HS3ST4: variants seen among roughly 807,000 people sequenced by gnomAD.
The protein encoded by HS3ST4 is heparan sulfate-glucosamine 3-sulfotransferase 4.
Under a neutral mutation model 29.2 loss-of-function variants are expected in HS3ST4, and 17 were observed. The ratio of observed to expected loss-of-function variants is 0.58; its 90% CI spans 0.40 to 0.87. The LOEUF is 0.87. Ranked by LOEUF, HS3ST4 falls within the 40% of genes least tolerant of loss-of-function variation. The probability of loss-of-function intolerance (pLI) is 0.00; values close to 1 mark genes in which losing one functional copy is unlikely to be tolerated. For synonymous variants in HS3ST4, 314 were observed against 285.7 expected, an observed-to-expected ratio of 1.10 and a Z score of -1.00; for missense variants, 627 against 634.5, an observed-to-expected ratio of 0.99 and a Z score of 0.13.
intron 1 of HS3ST4, among the ~76,000 whole-genome samples, chr16:25,947,598 A>C (rs6497900): frequency 6.6e-6 from 1 of 151,944 alleles, no homozygotes; most frequent in South Asian, 2.1e-4. Flanking sequence ...CCAAACCACA[A>C]ACGCCCATTT....
chr16:26,043,553 C>A (rs185637068), intron 1 of HS3ST4, among the ~76,000 whole-genome samples: 1 of 152,268 alleles, frequency 6.6e-6, no homozygotes, highest in Non-Finnish European at 1.5e-5. Context: ...TCATGACGTT[C>A]TAGTGAGGAT....
At chr16:25,708,017 G>A (rs952783931) in intron 1 of HS3ST4, among the ~76,000 whole-genome samples, 1 of 152,142 alleles carries the variant, frequency 6.6e-6, no homozygotes, top group South Asian at 2.1e-4. Context: ...CACCCACCCA[G>A]GTTTCTGGTA....
In HS3ST4 at chr16:25,768,111, A is replaced by C. The variant is rs531768049; in HGVS notation, c.734+74960A>C. ...GAGTGACTGGTCCTGTGAACATCAC[A>C]TGTCTGGGGCGGAGCAAGATGCAGA... On this transcript the variant is annotated intron_variant, in intron 1 of 1. Transcript: ENST00000331351. Among the ~76,000 whole-genome samples the C allele has an allele frequency of 4.6e-5, 7 of 152,232 alleles. 1 individual carries two copies. In the South Asian group the frequency reaches 1.5e-3, roughly 32 times the overall value.
intron 1 of HS3ST4, among the ~76,000 whole-genome samples, chr16:26,083,486 T>C (rs1898748059): frequency 6.6e-6 from 1 of 152,220 alleles, no homozygotes; most frequent in Non-Finnish European, 1.5e-5. Context: ...AACAATTTTT[T>C]TTTCCATAAA....
At position 26,050,953 on chromosome 16, in the gene HS3ST4, G is replaced by A. The variant is rs1358864987; in HGVS notation, c.735-84659G>A. Among the ~76,000 whole-genome samples the A allele has an allele frequency of 1.3e-5, 2 of 152,142 alleles. 1 individual carries two copies. The highest frequency in any genetic ancestry group is 2.9e-5 in the Non-Finnish European group (2 of 68,032). On this transcript the variant is annotated intron_variant, in intron 1 of 1. Transcript: ENST00000331351. The stretch of plus-strand genomic sequence containing the variant: ...AATTTAGCTGGAAATGTTAAACACT[G>A]TCTGCATCCTGGAGCTGGAATGGAG...
chr16:26,126,424 G>A (rs1007188276), intron 1 of HS3ST4, among the ~76,000 whole-genome samples: 3 of 152,200 alleles, frequency 2.0e-5, no homozygotes, highest in African/African-American at 7.2e-5. Flanking sequence ...AATAAAGACA[G>A]TACACACATG....
chr16:25,693,581 A>C (rs1966272944), intron 1 of HS3ST4, among the ~76,000 whole-genome samples: 1 of 152,196 alleles, frequency 6.6e-6, no homozygotes, highest in Non-Finnish European at 1.5e-5. Context: ...GGAATCTCTT[A>C]AAATCACCCT....
At chr16:26,104,842 G>A (rs772801725) in intron 1 of HS3ST4, among the ~76,000 whole-genome samples, 1 of 150,140 alleles carries the variant, frequency 6.7e-6, no homozygotes, top group Non-Finnish European at 1.5e-5. Context: ...GGAACCTTAA[G>A]CAGTCCTTGG....
intron 1 of HS3ST4, among the ~76,000 whole-genome samples, chr16:25,919,923 G>C (rs73515399): frequency 0.01 from 1,527 of 151,150 alleles, 24 homozygotes; most frequent in African/African-American, 0.035. Flanking sequence ...AAGAAGCTTG[G>C]ATTTACAGGG....
chr16:25,886,391 G>T (rs905217525), intron 1 of HS3ST4, among the ~76,000 whole-genome samples: 1 of 152,060 alleles, frequency 6.6e-6, no homozygotes, highest in African/African-American at 2.4e-5. Context: ...AAAGTCAACC[G>T]GCAGAACACC....
intron 1 of HS3ST4, among the ~76,000 whole-genome samples, chr16:25,924,270 TTAATC>T (rs1186118649): frequency 1.3e-5 from 2 of 152,230 alleles, no homozygotes; most frequent in African/African-American, 2.4e-5. Flanking sequence ...AAATATCTCT[TTAATC>T]TATTAGCTTT....
chr16:25,701,390 G>A (rs1440892770), intron 1 of HS3ST4, among the ~76,000 whole-genome samples: 2 of 152,084 alleles, frequency 1.3e-5, no homozygotes, highest in Non-Finnish European at 2.9e-5. Context: ...TAGAGAAGCA[G>A]GGTTCTCTAT....
intron 1 of HS3ST4, among the ~76,000 whole-genome samples, chr16:25,925,781 G>T (rs747812898): frequency 1.3e-5 from 2 of 152,154 alleles, no homozygotes; most frequent in Non-Finnish European, 2.9e-5. Context: ...TGTTGCTGAG[G>T]GTGGGGTAGT....
rs552197179 is a variant in HS3ST4 at position 25,998,811 on chromosome 16, A to G, written c.735-136801A>G. Among the ~76,000 whole-genome samples the G allele has an allele frequency of 3.9e-4, 60 of 152,276 alleles. No individual in the cohort carries two copies. In the South Asian group the frequency reaches 0.012, roughly 30 times the overall value. On this transcript the variant is annotated intron_variant, in intron 1 of 1. Transcript: ENST00000331351. ...TGCATTTGATGAATTCATAGTCAAA[A>G]TTTGAGAACTAGCAAAATGTCCCTG...
At chr16:25,741,365 T>TTAA (rs71385569) in intron 1 of HS3ST4, among the ~76,000 whole-genome samples, 1 of 66,186 alleles carries the variant, frequency 1.5e-5, no homozygotes, top group African/African-American at 6.1e-5. Context: ...GAATTCAAGG[T>TTAA]AAAAAAAAAA....
At chr16:26,103,842 A>T (rs1027527623) in intron 1 of HS3ST4, among the ~76,000 whole-genome samples, 4 of 152,186 alleles carry the variant, frequency 2.6e-5, no homozygotes, top group Admixed American at 6.5e-5. Context: ...GTCACTAAAA[A>T]CCACTCAGAA....
Position 25,841,173 on chromosome 16 carries a change from T to C in HS3ST4, c.734+148022T>C, listed in dbSNP as rs192785008. On this transcript the variant is annotated intron_variant, in intron 1 of 1. Coordinates refer to ENST00000331351, the MANE Select transcript of HS3ST4 (RefSeq NM_006040.3). ...GGTGCCCGCCACCTCACCTGGCTAA[T>C]TTTTTGTATTTTTAGTAGAGACGGG... Among the ~76,000 whole-genome samples, 968 of 151,904 alleles carry C rather than the reference T, an allele frequency of 6.4e-3. 8 individuals carry two copies. Among genetic ancestry groups the C allele is most frequent in the African/African-American group, 0.022 (924 of 41,420 alleles).
Position 25,957,415 on chromosome 16 carries a change from G to GCT in HS3ST4, c.735-178184_735-178183dup, listed in dbSNP as rs10578512. On this transcript the variant is annotated intron_variant, in intron 1 of 1. Coordinates refer to ENST00000331351, the MANE Select transcript of HS3ST4 (RefSeq NM_006040.3). ...TATGAAAGATCAGTGAACCTTCATA[G>GCT]CTCTCTCTCTCTCTTTTTTGAGATG... 8.8e-4 allele frequency among the ~76,000 whole-genome samples: 134 copies of GCT among 151,558 alleles called. 3 individuals are homozygous for GCT. In the East Asian group the frequency reaches 0.022, roughly 24 times the overall value.
At chr16:26,081,248 C>A (rs1283754903) in intron 1 of HS3ST4, among the ~76,000 whole-genome samples, 2 of 150,124 alleles carry the variant, frequency 1.3e-5, no homozygotes, top group Admixed American at 6.7e-5. Context: ...GATTTCATCA[C>A]TGCACTCCGG....
Sources: allele counts gnomAD v4.1 joint callset (sites outside exome capture counted in the v4.1 genomes callset), GRCh38; gene constraint gnomAD v4.1.1; transcripts MANE v1.5; gene names NCBI Gene and HGNC (gene_info 2026-07-23, HGNC 2026-07-21).